The following TENM3 variants were observed in gnomAD, a reference collection of about 807,000 sequenced individuals.
TENM3 encodes the protein teneurin-3.
Under a neutral mutation model 255.1 loss-of-function variants are expected in TENM3, and 63 were observed. The observed-to-expected ratio is 0.25, with a 90% CI of 0.20 to 0.30. TENM3 has a LOEUF of 0.30. Ranked by LOEUF, TENM3 falls within the 10% of genes least tolerant of loss-of-function variation. The pLI, the probability that TENM3 is intolerant of heterozygous loss-of-function variation, is 1.00. For missense variants in TENM3, 2,929 were observed against 3,461.1 expected, an observed-to-expected ratio of 0.85 and a Z score of 3.86; for synonymous variants, 1,306 against 1,322.3, an observed-to-expected ratio of 0.99 and a Z score of 0.27.
the TENM3 span, among the ~76,000 whole-genome samples, chr4:181,464,399 C>A: frequency 3.3e-5 from 5 of 152,108 alleles, no homozygotes; most frequent in Non-Finnish European, 7.4e-5. Flanking sequence ...CTAATGACGA[C>A]TGGTGTTAAG....
At chr4:181,954,913 G>A in the TENM3 span, among the ~76,000 whole-genome samples, 2 of 152,078 alleles carry the variant, frequency 1.3e-5, no homozygotes, top group South Asian at 2.1e-4. Flanking sequence ...AGATACATTC[G>A]TTCATATATA....
chr4:181,861,442 A>G, the TENM3 span, among the ~76,000 whole-genome samples: 1 of 152,162 alleles, frequency 6.6e-6, no homozygotes, highest in Admixed American at 6.5e-5. Context: ...TGTCTTTGAA[A>G]AATATAAGGA....
intron 13 of TENM3, among the ~76,000 whole-genome samples, chr4:182,714,598 G>A (rs974889317): frequency 6.6e-6 from 1 of 152,090 alleles, no homozygotes; most frequent in Admixed American, 6.5e-5. Flanking sequence ...TCCAAAAGAT[G>A]CAAAGAATTT....
the TENM3 span, among the ~76,000 whole-genome samples, chr4:181,549,029 G>A: frequency 6.6e-6 from 1 of 152,166 alleles, no homozygotes; most frequent in Non-Finnish European, 1.5e-5. Context: ...TGGGGCGATG[G>A]TAACACATTC....
intron 1 of TENM3, among the ~76,000 whole-genome samples, chr4:182,307,357 G>A (rs908988003): frequency 1.2e-4 from 18 of 152,148 alleles, no homozygotes; most frequent in African/African-American, 4.3e-4. Context: ...TAGTTAGAAA[G>A]TAGAGAGACC....
chr4:181,681,124 A>T, the TENM3 span, among the ~76,000 whole-genome samples: 1 of 152,054 alleles, frequency 6.6e-6, no homozygotes, highest in African/African-American at 2.4e-5. Context: ...GTTAAATGGA[A>T]ACAGTCCATG....
chr4:181,664,686 T>C, the TENM3 span, among the ~76,000 whole-genome samples: 2 of 152,126 alleles, frequency 1.3e-5, no homozygotes, highest in Middle Eastern at 3.2e-3. Context: ...GCCAAAGATC[T>C]GAGATTCAGT....
At chr4:181,923,510 TG>T in the TENM3 span, among the ~76,000 whole-genome samples, 1 of 152,214 alleles carries the variant, frequency 6.6e-6, no homozygotes, top group African/African-American at 2.4e-5. Context: ...AAATACACTA[TG>T]GCTTCAAATG....
At chr4:182,492,393 T>G (rs1735383920) in intron 3 of TENM3, among the ~76,000 whole-genome samples, 1 of 152,200 alleles carries the variant, frequency 6.6e-6, no homozygotes, top group African/African-American at 2.4e-5. Flanking sequence ...TAATCCATAA[T>G]TTATAGATTG....
At chr4:182,445,099 G>A (rs900067556) in intron 3 of TENM3, among the ~76,000 whole-genome samples, 12 of 152,118 alleles carry the variant, frequency 7.9e-5, no homozygotes, top group African/African-American at 2.7e-4. Flanking sequence ...GTGAGCCACC[G>A]TGCCTGGCCA....
the TENM3 span, among the ~76,000 whole-genome samples, chr4:182,065,922 A>G: frequency 2.0e-5 from 3 of 152,210 alleles, no homozygotes; most frequent in African/African-American, 7.2e-5. Flanking sequence ...GATCCCAGCA[A>G]TATGCTTTTG....
At chr4:181,961,485 T>C in the TENM3 span, among the ~76,000 whole-genome samples, 1 of 152,122 alleles carries the variant, frequency 6.6e-6, no homozygotes, top group Non-Finnish European at 1.5e-5. Flanking sequence ...TAGTGTGCGA[T>C]CTCGACTCAC....
chr4:181,983,768 C>T, the TENM3 span, among the ~76,000 whole-genome samples: 2 of 151,956 alleles, frequency 1.3e-5, no homozygotes, highest in Admixed American at 6.6e-5. Flanking sequence ...TTATTCTTTA[C>T]ATCTACTTGG....
the TENM3 span, among the ~76,000 whole-genome samples, chr4:181,753,840 A>C: frequency 1.3e-5 from 2 of 152,178 alleles, no homozygotes; most frequent in African/African-American, 4.8e-5. Context: ...TGTCATACCC[A>C]CACATTGTAC....
At chr4:181,978,544 G>A in the TENM3 span, among the ~76,000 whole-genome samples, 8 of 151,846 alleles carry the variant, frequency 5.3e-5, no homozygotes, top group Non-Finnish European at 1.2e-4. Flanking sequence ...CTACTCAGGA[G>A]GCTAAGGCAG....
intron 1 of TENM3, among the ~76,000 whole-genome samples, chr4:182,152,135 A>G (rs1750394707): frequency 6.6e-6 from 1 of 151,996 alleles, no homozygotes; most frequent in Non-Finnish European, 1.5e-5. Context: ...GGAGAAAGAA[A>G]GTACATTTGT....
At chr4:181,682,270 G>A in the TENM3 span, among the ~76,000 whole-genome samples, 88 of 152,158 alleles carry the variant, frequency 5.8e-4, no homozygotes, top group Non-Finnish European at 1.1e-3. Context: ...GCCAGCTAGA[G>A]TCTGTACTTT....
At chr4:182,138,862 G>A in the TENM3 span, among the ~76,000 whole-genome samples, 2 of 152,170 alleles carry the variant, frequency 1.3e-5, no homozygotes, top group Admixed American at 6.5e-5. Context: ...GTCAAAAGTG[G>A]TTCGTTGTAA....
intron 6 of TENM3, among the ~76,000 whole-genome samples, chr4:182,670,672 T>G (rs1755122712): frequency 6.6e-6 from 1 of 152,208 alleles, no homozygotes; most frequent in Admixed American, 6.5e-5. Flanking sequence ...TTGCTAGTGA[T>G]GTACTCTCCC....
Sources: gnomAD v4.1 joint callset for allele counts (sites outside exome capture counted in the v4.1 genomes callset) on GRCh38, gnomAD v4.1.1 for gene constraint, MANE v1.5 for transcripts, NCBI Gene and HGNC (gene_info 2026-07-23, HGNC 2026-07-21) for gene names.